Variants in ANO4 observed in about 807,000 individuals in gnomAD.
ANO4 encodes the protein anoctamin 4.
A neutral mutation model predicts 141.9 loss-of-function variants in ANO4; 69 were observed. The observed-to-expected ratio is 0.49, with a 90% CI of 0.40 to 0.59. The LOEUF (loss-of-function observed/expected upper bound fraction) is 0.59. Among genes scored for constraint, ANO4 ranks in the 20% least tolerant of loss-of-function variants. ANO4 has a pLI of 0.00. For missense variants in ANO4, 894 were observed against 1,162.2 expected (o/e 0.77, Z 3.36); for synonymous variants, 350 against 394.3 (o/e 0.89, Z 1.33).
intron 3 of ANO4, among the ~76,000 whole-genome samples, chr12:100,777,919 ATT>A (rs373496240): frequency 0.55 from 73,783 of 134,530 alleles, 18,103 homozygotes; most frequent in East Asian, 0.64. Context: ...AATGCTTACA[ATT>A]TTTTTTTTTT....
intron 14 of ANO4, among the ~76,000 whole-genome samples, chr12:101,073,521 T>A (rs555676020): frequency 2.6e-5 from 4 of 151,098 alleles, no homozygotes; most frequent in African/African-American, 9.7e-5. Flanking sequence ...TGTATACATA[T>A]GTAACAAATC....
chr12:100,839,112 T>C (rs930837889), intron 1 of ANO4, among the ~76,000 whole-genome samples: 2 of 152,212 alleles, frequency 1.3e-5, no homozygotes, highest in Admixed American at 1.3e-4. Flanking sequence ...TTATACTGTA[T>C]TGTTTTCAAG....
intron 1 of ANO4, among the ~76,000 whole-genome samples, chr12:100,807,758 A>G (rs556922534): frequency 6.6e-6 from 1 of 152,194 alleles, no homozygotes; most frequent in South Asian, 2.1e-4. Context: ...TAGTGTGTCC[A>G]TGAGTTCTCA....
intron 24 of ANO4, among the ~76,000 whole-genome samples, chr12:101,114,239 C>T (rs1295646336): frequency 1.3e-5 from 2 of 152,220 alleles, no homozygotes; most frequent in African/African-American, 2.4e-5. Flanking sequence ...TGATAAATCT[C>T]ACTTGCCTGA....
At chr12:100,787,061 C>T (rs183542471) in intron 3 of ANO4, among the ~76,000 whole-genome samples, 26 of 152,240 alleles carry the variant, frequency 1.7e-4, no homozygotes, top group Admixed American at 7.2e-4. Context: ...TTTATAATCA[C>T]GTATTTGAGT....
chr12:101,103,433 A>G (rs1381895559), intron 22 of ANO4, among the ~76,000 whole-genome samples: 1 of 151,274 alleles, frequency 6.6e-6, no homozygotes, highest in Admixed American at 6.6e-5. Context: ...GCTGAGAGTT[A>G]TTATCATGAC....
intron 14 of ANO4, among the ~76,000 whole-genome samples, chr12:101,077,803 C>T (rs941158321): frequency 2.0e-5 from 3 of 152,090 alleles, no homozygotes; most frequent in Admixed American, 2.0e-4. Flanking sequence ...GAGTTTCTGC[C>T]AAACTTAGGG....
chr12:100,987,470 C>A, intron 7 of ANO4, 69 bp from the exon 8 acceptor site: 1 of 1,574,918 alleles, frequency 6.3e-7, no homozygotes, highest in Non-Finnish European at 8.6e-7. Context: ...TCTGCGGAGA[C>A]CTTCCTCCTG....
intron 14 of ANO4, chr12:101,068,850 G>A (rs1490555119): frequency 3.2e-6 from 3 of 947,000 alleles, no homozygotes; most frequent in African/African-American, 1.6e-5. Flanking sequence ...AAAAACTTAG[G>A]AAAGTAGAGG....
At chr12:100,835,072 C>G (rs2036835885) in intron 1 of ANO4, among the ~76,000 whole-genome samples, 1 of 152,092 alleles carries the variant, frequency 6.6e-6, no homozygotes, top group Non-Finnish European at 1.5e-5. Context: ...GCCTTGTGGT[C>G]TAAGAGGAGG....
rs751047287 is a variant in ANO4, at chr12:100,901,632, A to G, written c.-140-14A>G. On this transcript the variant is annotated splice_polypyrimidine_tract_variant and intron_variant, in intron 1 of 27. Coordinates refer to ENST00000392977, the MANE Select transcript of ANO4 (RefSeq NM_001286615.2). Reference sequence around the variant, plus strand: ...GTGACTTCTTCAGTCTAATGGTGCCATTTCTCATTCCAGGTTTAAGTTTAT... The same window carrying G: ...GTGACTTCTTCAGTCTAATGGTGCCGTTTCTCATTCCAGGTTTAAGTTTAT... 1.6e-5 allele frequency: 12 copies of G among 764,344 alleles called. No homozygotes were observed. 47.3% of individuals were successfully genotyped at this position (764,344 alleles called of 1,614,324 possible). A position where few individuals can be genotyped will look rare whatever the true frequency, so the allele number is the denominator to read the frequency against.
chr12:100,907,267 AGCAG>A (rs886510508), intron 2 of ANO4, among the ~76,000 whole-genome samples: 7 of 152,158 alleles, frequency 4.6e-5, no homozygotes, highest in African/African-American at 1.4e-4. Context: ...GTATTTCTCA[AGCAG>A]GCTTTTACTC....
intron 14 of ANO4, among the ~76,000 whole-genome samples, chr12:101,064,430 T>C (rs954307635): frequency 2.6e-5 from 4 of 152,146 alleles, no homozygotes; most frequent in Non-Finnish European, 4.4e-5. Flanking sequence ...TATGATATCT[T>C]GGAAAATGTT....
intron 9 of ANO4, among the ~76,000 whole-genome samples, chr12:101,031,487 C>A (rs964610010): frequency 1.3e-5 from 2 of 152,090 alleles, no homozygotes; most frequent in South Asian, 4.1e-4. Context: ...ATTGAATGGG[C>A]AAAAGCTGGA....
At chr12:101,095,500 C>T (rs374971231) in intron 18 of ANO4, among the ~76,000 whole-genome samples, 36 of 152,146 alleles carry the variant, frequency 2.4e-4, no homozygotes, top group African/African-American at 8.2e-4. Context: ...TTAAGAAAAC[C>T]CTTTAAGAAT....
At chr12:100,999,908 G>C (rs533829416) in intron 8 of ANO4, among the ~76,000 whole-genome samples, 1 of 151,578 alleles carries the variant, frequency 6.6e-6, no homozygotes, top group Non-Finnish European at 1.5e-5. Context: ...CTTTAGCCAG[G>C]CATGGTGGTG....
chr12:101,098,742 CAATT>C (rs1363031543), intron 21 of ANO4, among the ~76,000 whole-genome samples: 2 of 152,120 alleles, frequency 1.3e-5, no homozygotes, highest in African/African-American at 4.8e-5. Flanking sequence ...ATATAAATCA[CAATT>C]AAAATGTCAT....
At chr12:100,937,793 A>G (rs1592771335) in intron 3 of ANO4, among the ~76,000 whole-genome samples, 1 of 152,038 alleles carries the variant, frequency 6.6e-6, no homozygotes, top group South Asian at 2.1e-4. Context: ...TCTAAAAGCC[A>G]CCCGCGTTTC....
chr12:101,019,535 G>A (rs148382528), intron 8 of ANO4, among the ~76,000 whole-genome samples: 1 of 152,224 alleles, frequency 6.6e-6, no homozygotes, highest in African/African-American at 2.4e-5. Context: ...GGACAGAGGT[G>A]ATTTCCAGAG....
Sources: gnomAD v4.1 joint callset for allele counts (sites outside exome capture counted in the v4.1 genomes callset) on GRCh38, gnomAD v4.1.1 for gene constraint, MANE v1.5 for transcripts, NCBI Gene and HGNC (gene_info 2026-07-23, HGNC 2026-07-21) for gene names.